SLC12A7: variants seen among roughly 807,000 people sequenced by gnomAD.
SLC12A7 encodes solute carrier family 12 member 7.
Under a neutral mutation model 120.6 loss-of-function variants are expected in SLC12A7, and 100 were observed. The observed-to-expected ratio is 0.83, with a 90% CI of 0.71 to 0.98. The LOEUF (loss-of-function observed/expected upper bound fraction) is 0.98, where lower values mean the gene tolerates loss of function less well. SLC12A7 is among the 50% of genes least tolerant of loss of function. The pLI, the probability that SLC12A7 is intolerant of heterozygous loss-of-function variation, is 0.00. For missense variants in SLC12A7, 1,373 were observed against 1,548.1 expected (o/e 0.89, Z 1.90); for synonymous variants, 760 against 678.0 (o/e 1.12, Z -1.88).
At chr5:1,069,075 C>G (rs967823803) in intron 17 of SLC12A7, among the ~76,000 whole-genome samples, 3 of 152,248 alleles carry the variant, frequency 2.0e-5, no homozygotes, top group African/African-American at 7.2e-5. Flanking sequence ...CACGGGTTCA[C>G]AGTCAATAGC....
chr5:1,074,134 G>T (rs1459047190), intron 16 of SLC12A7, among the ~76,000 whole-genome samples: 2 of 152,160 alleles, frequency 1.3e-5, no homozygotes, highest in East Asian at 3.9e-4. Flanking sequence ...GTGAGACAAT[G>T]GCCCAGGACA....
intron 22 of SLC12A7, 30 bp from the exon 23 acceptor site, chr5:1,053,512 CGGCGGGT>C: frequency 6.2e-7 from 1 of 1,607,324 alleles, no homozygotes; most frequent in Admixed American, 1.7e-5. Context: ...GGTCAGCGGG[CGGCGGGT>C]GCACCCCACG....
At chr5:1,155,834 C>T in the SLC12A7 span, among the ~76,000 whole-genome samples, 1 of 151,354 alleles carries the variant, frequency 6.6e-6, no homozygotes, top group African/African-American at 2.4e-5. Context: ...CCGCACCCCC[C>T]GCCGCGGGGG....
intron 17 of SLC12A7, among the ~76,000 whole-genome samples, chr5:1,067,155 A>G (rs1737140311): frequency 2.0e-5 from 3 of 152,088 alleles, no homozygotes; most frequent in African/African-American, 7.2e-5. Flanking sequence ...CCTTCTGCCC[A>G]GCTGCCCGGG....
the SLC12A7 span, among the ~76,000 whole-genome samples, chr5:1,144,483 T>TG: frequency 6.6e-6 from 1 of 152,164 alleles, no homozygotes; most frequent in Non-Finnish European, 1.5e-5. Context: ...CATGACAATT[T>TG]GGGGGCAGGA....
chr5:1,117,648 T>C, the SLC12A7 span, among the ~76,000 whole-genome samples: 37 of 152,216 alleles, frequency 2.4e-4, no homozygotes, highest in Non-Finnish European at 4.7e-4. The surrounding 1 kb of genome is among the most constrained non-coding windows in gnomAD (Gnocchi z 4.5). Context: ...CTGGCTCATC[T>C]GATCTTGTGA....
intron 1 of SLC12A7, 79 bp downstream of exon 1, chr5:1,111,789 G>C: frequency 8.5e-7 from 1 of 1,171,818 alleles, no homozygotes; most frequent in Non-Finnish European, 1.1e-6. Flanking sequence ...CCCGCCGCCC[G>C]CCTCCGCTCC....
chr5:1,074,458 G>A, intron 16 of SLC12A7, 109 bp downstream of exon 16: 2 of 1,001,310 alleles, frequency 2.0e-6, no homozygotes, highest in Non-Finnish European at 1.5e-6. Context: ...CCTTGCCTGA[G>A]CGGCTGAAGG....
chr5:1,073,499 A>C (rs982871192), intron 17 of SLC12A7, 134 bp downstream of exon 17: 1 of 1,044,110 alleles, frequency 9.6e-7, no homozygotes, highest in Non-Finnish European at 1.3e-6. Context: ...GCTCAAAGCC[A>C]CCGCCACGGC....
intron 8 of SLC12A7, 38 bp downstream of exon 8, chr5:1,083,707 C>T (rs1739474218): frequency 1.2e-6 from 2 of 1,601,110 alleles, no homozygotes; most frequent in East Asian, 2.2e-5. Flanking sequence ...GCTGCCCCCG[C>T]CACCCCCCAG....
chr5:1,074,933 G>A, intron 15 of SLC12A7, among the ~76,000 whole-genome samples: 1 of 152,164 alleles, frequency 6.6e-6, no homozygotes, highest in East Asian at 1.9e-4. Flanking sequence ...CACAGGACGG[G>A]GGACAGGAGG....
rs55666581 is a variant in SLC12A7, at chr5:1,082,166, A to G, written c.1130-422T>C. ...TGGGGAAGTCCGGGCTTCCCGTCTCAGGTTCTGGAAAGTCCGGGCTTCCCG... is the reference window on the plus strand; with the variant it reads ...TGGGGAAGTCCGGGCTTCCCGTCTCGGGTTCTGGAAAGTCCGGGCTTCCCG... On this transcript the variant is annotated intron_variant, in intron 8 of 23. Transcript: ENST00000264930. 2.1e-4 allele frequency among the ~76,000 whole-genome samples: 24 copies of G among 112,984 alleles called. 1 individual carries two copies. Among genetic ancestry groups the G allele is most frequent in the African/African-American group, 5.4e-4 (15 of 27,728 alleles). The allele number at this position is 112,984 out of a possible 152,430, so 74.1% of individuals were successfully genotyped here.
intron 9 of SLC12A7, 121 bp from the exon 10 acceptor site, chr5:1,079,617 G>T (rs993575858): frequency 5.1e-6 from 4 of 780,844 alleles, no homozygotes; most frequent in African/African-American, 1.7e-5. Flanking sequence ...AGCTGCAGCC[G>T]AGGCTGCAGT....
the SLC12A7 span, among the ~76,000 whole-genome samples, chr5:1,120,897 G>A: frequency 1.3e-5 from 2 of 152,230 alleles, no homozygotes; most frequent in African/African-American, 4.8e-5. Context: ...GCTTGGAACG[G>A]CCACGCTTCG....
At chr5:1,079,673 C>T (rs904769557) in intron 9 of SLC12A7, among the ~76,000 whole-genome samples, 177 bp from the exon 10 acceptor site, 5 of 152,180 alleles carry the variant, frequency 3.3e-5, no homozygotes, top group East Asian at 1.9e-4. Context: ...TGAGGGGATG[C>T]GGGCCCAGGC....
chr5:1,075,305 G>A (rs938904229), intron 15 of SLC12A7, 66 bp downstream of exon 15: 61 of 1,567,764 alleles, frequency 3.9e-5, no homozygotes, highest in Admixed American at 1.2e-4. Flanking sequence ...AGCTGCCCCA[G>A]GCATAGCATG....
In SLC12A7 at chr5:1,098,105, A is replaced by G. The variant is rs1348058533; in HGVS notation, c.125-3857T>C. ...AGCCGCCCCCTCCAACCCTCTGCAC[A>G]CCCAGCCCCCCTCTAACCCTCTGCA... On this transcript the variant is annotated intron_variant, in intron 1 of 23. Transcript: ENST00000264930. Among the ~76,000 whole-genome samples, 133 of 86,782 alleles carry G rather than the reference A, an allele frequency of 1.5e-3. 1 individual carries two copies. Among genetic ancestry groups the G allele is most frequent in the African/African-American group, 5.3e-3 (105 of 19,980 alleles). The allele number at this position is 86,782 out of a possible 152,430, so 56.9% of individuals were successfully genotyped here. A position where few individuals can be genotyped will look rare whatever the true frequency, so the allele number is the denominator to read the frequency against.
At chr5:1,137,529 TC>T in the SLC12A7 span, among the ~76,000 whole-genome samples, 2 of 151,816 alleles carry the variant, frequency 1.3e-5, no homozygotes, top group African/African-American at 4.8e-5. Context: ...GTCCACACCT[TC>T]CCCCTCCTCC....
chr5:1,093,790 G>T, intron 2 of SLC12A7, 135 bp from the exon 3 acceptor site: 2 of 1,335,840 alleles, frequency 1.5e-6, no homozygotes, highest in Non-Finnish European at 2.0e-6. Context: ...AGCCAGAGAG[G>T]CCTGGACACC....
Sources: gnomAD v4.1 joint callset for allele counts (sites outside exome capture counted in the v4.1 genomes callset) on GRCh38, gnomAD v4.1.1 for gene constraint, Gnocchi (gnomAD v3.1) non-coding constraint, MANE v1.5 for transcripts, NCBI Gene and HGNC (gene_info 2026-07-23, HGNC 2026-07-21) for gene names.